Variants in ARL8B observed in about 807,000 individuals in gnomAD.
ARL8B encodes ARF like GTPase 8B.
Under a neutral mutation model 30.6 loss-of-function variants are expected in ARL8B, and 9 were observed. The observed-to-expected ratio is 0.29, with a 90% confidence interval of 0.18 to 0.51. The LOEUF is 0.51. ARL8B is among the 20% of genes least tolerant of loss of function. The pLI is 0.97. For missense variants in ARL8B, 130 were observed against 227.2 expected (o/e 0.57, Z 2.75); for synonymous variants, 74 against 76.0 (o/e 0.97, Z 0.14).
At chr3:5,128,831 G>A (rs570601297) in intron 1 of ARL8B, among the ~76,000 whole-genome samples, 1 of 152,272 alleles carries the variant, frequency 6.6e-6, no homozygotes, top group African/African-American at 2.4e-5. Flanking sequence ...ATATCCAGAT[G>A]TCTTTTAAAA....
At chr3:5,175,201 T>A (rs1245523920) in intron 6 of ARL8B, among the ~76,000 whole-genome samples, 1 of 152,172 alleles carries the variant, frequency 6.6e-6, no homozygotes, top group Non-Finnish European at 1.5e-5. Flanking sequence ...CGTTACAATG[T>A]TAATGAGAAA....
chr3:5,130,863 T>G (rs2054277003), intron 1 of ARL8B, among the ~76,000 whole-genome samples: 1 of 152,068 alleles, frequency 6.6e-6, no homozygotes, highest in African/African-American at 2.4e-5. Context: ...AGCATAATGT[T>G]AAGAATGAGG....
intron 1 of ARL8B, among the ~76,000 whole-genome samples, chr3:5,126,612 G>A (rs935543040): frequency 6.6e-6 from 1 of 152,144 alleles, no homozygotes; most frequent in Non-Finnish European, 1.5e-5. Flanking sequence ...CTTAGTTACA[G>A]AATGCTCAGA....
chr3:5,158,471 C>A (rs898842759), intron 1 of ARL8B, among the ~76,000 whole-genome samples: 1 of 152,170 alleles, frequency 6.6e-6, no homozygotes, highest in South Asian at 2.1e-4. Context: ...TACTTTTAAA[C>A]AGCTCTGTGA....
intron 1 of ARL8B, among the ~76,000 whole-genome samples, chr3:5,126,712 C>T (rs897914313): frequency 4.6e-5 from 7 of 152,066 alleles, no homozygotes; most frequent in Non-Finnish European, 8.8e-5. Context: ...ATGTAGTGTT[C>T]TCTTTTGTTT....
At chr3:5,177,769 A>T (rs1430451446) in intron 6 of ARL8B, among the ~76,000 whole-genome samples, 1 of 152,148 alleles carries the variant, frequency 6.6e-6, no homozygotes, top group Non-Finnish European at 1.5e-5. Context: ...TTTCTTAAAT[A>T]TTTAAATTTG....
intron 6 of ARL8B, among the ~76,000 whole-genome samples, chr3:5,174,746 T>C (rs62255888): frequency 7.3e-6 from 1 of 137,548 alleles, no homozygotes; most frequent in Admixed American, 7.4e-5. Flanking sequence ...ATATGTAATA[T>C]ATAATATATA....
intron 1 of ARL8B, among the ~76,000 whole-genome samples, chr3:5,126,055 C>G (rs889949018): frequency 6.6e-6 from 1 of 151,390 alleles, no homozygotes; most frequent in African/African-American, 2.4e-5. Flanking sequence ...AAAAAGACAT[C>G]TGGGCTGTAA....
chr3:5,129,007 G>C (rs1281420993), intron 1 of ARL8B, among the ~76,000 whole-genome samples: 1 of 129,036 alleles, frequency 7.7e-6, no homozygotes, highest in East Asian at 2.1e-4. Context: ...TTGGACATTT[G>C]AGGGATTTTT....
In ARL8B at chr3:5,122,546, G is replaced by C. The variant is rs745448271; in HGVS notation, c.81G>C (p.Gly27=). 1.2e-6 allele frequency: 2 copies of C among 1,612,328 alleles called. No individual in the cohort carries two copies. Among genetic ancestry groups the C allele is most frequent in the Non-Finnish European group, 1.7e-6 (2 of 1,179,296 alleles). The stretch of plus-strand genomic sequence containing the variant: ...AAGAGATGGAGCTGACGCTCGTGGG[G>C]CTGCAGTACTCGGGCAAGACCACCT... ...WKEEMELTLV[G]LQYSGKTTFV... The change falls in exon 1 of 7, where the codon GGG becomes GGC. Residue 27 remains glycine, a synonymous_variant. Transcript: ENST00000256496.
At chr3:5,152,965 G>C (rs1350563557) in intron 1 of ARL8B, among the ~76,000 whole-genome samples, 1 of 152,128 alleles carries the variant, frequency 6.6e-6, no homozygotes, top group East Asian at 1.9e-4. Context: ...TTTGTTTTCT[G>C]TTCAGTGCCT....
At chr3:5,177,712 C>T (rs1321019315) in intron 6 of ARL8B, among the ~76,000 whole-genome samples, 2 of 152,246 alleles carry the variant, frequency 1.3e-5, no homozygotes, top group African/African-American at 4.8e-5. Context: ...GCCTCGGCCT[C>T]CCAAAGTGTG....
At chr3:5,122,807 C>T (rs368191557) in intron 1 of ARL8B, among the ~76,000 whole-genome samples, 1 of 152,244 alleles carries the variant, frequency 6.6e-6, no homozygotes. Context: ...AGGGTTAAGT[C>T]AGTGTAGACA....
At chr3:5,146,335 G>A (rs1559279548) in intron 1 of ARL8B, among the ~76,000 whole-genome samples, 1 of 152,210 alleles carries the variant, frequency 6.6e-6, no homozygotes, top group South Asian at 2.1e-4. Context: ...TTGATTTATA[G>A]TCCTTAGATT....
chr3:5,158,553 G>A (rs2054551840), intron 1 of ARL8B, among the ~76,000 whole-genome samples: 2 of 152,332 alleles, frequency 1.3e-5, no homozygotes, highest in Non-Finnish European at 1.5e-5. Context: ...GAATGTGTAA[G>A]AAGGGCACAC....
intron 1 of ARL8B, among the ~76,000 whole-genome samples, chr3:5,124,711 C>T (rs1417705635): frequency 6.6e-6 from 1 of 152,142 alleles, no homozygotes; most frequent in Non-Finnish European, 1.5e-5. Flanking sequence ...CTCCTGGCCT[C>T]AAGCAGTCTT....
intron 1 of ARL8B, among the ~76,000 whole-genome samples, chr3:5,145,133 T>C (rs1040635057): frequency 2.0e-5 from 3 of 152,130 alleles, no homozygotes; most frequent in African/African-American, 7.2e-5. Flanking sequence ...AACAGCCTTA[T>C]CCCATCATGT....
At chr3:5,172,326 T>G in intron 3 of ARL8B, 103 bp downstream of exon 3, 1 of 1,026,572 alleles carries the variant, frequency 9.7e-7, no homozygotes. Flanking sequence ...TCTCAGGCAG[T>G]GAAAATCTTT....
chr3:5,145,820 A>G (rs1185345174), intron 1 of ARL8B, among the ~76,000 whole-genome samples: 3 of 124,114 alleles, frequency 2.4e-5, no homozygotes, highest in Non-Finnish European at 3.2e-5. Flanking sequence ...GTCTTAGGAA[A>G]AGGTAGACCC....
Sources: allele counts gnomAD v4.1 joint callset (sites outside exome capture counted in the v4.1 genomes callset), GRCh38; gene constraint gnomAD v4.1.1; transcripts MANE v1.5; gene names NCBI Gene and HGNC (gene_info 2026-07-23, HGNC 2026-07-21).